WDR20: variants seen among roughly 807,000 people sequenced by gnomAD.
WDR20 encodes the protein WD repeat-containing protein 20.
WDR20 carries 3 observed loss-of-function variants against 38.7 expected under a neutral mutation model. The ratio of observed to expected loss-of-function variants is 0.08; its 90% CI spans 0.04 to 0.20. The LOEUF (loss-of-function observed/expected upper bound fraction) is 0.20, where lower values mean the gene tolerates loss of function less well. WDR20 is among the 10% of genes least tolerant of loss of function. WDR20 has a pLI of 1.00. For missense variants in WDR20, 559 were observed against 727.7 expected, an observed-to-expected ratio of 0.77 and a Z score of 2.67; for synonymous variants, 298 against 285.6, an observed-to-expected ratio of 1.04 and a Z score of -0.44.
downstream of WDR20, chr14:102,212,455 C>T (rs985406592): frequency 1.8e-5 from 28 of 1,518,734 alleles, no homozygotes; most frequent in Non-Finnish European, 4.4e-6. Context: ...CTGGCCCAGG[C>T]CCTGCAGGGC....
At chr14:102,186,816 G>T (rs1436354047) in intron 1 of WDR20, among the ~76,000 whole-genome samples, 1 of 151,980 alleles carries the variant, frequency 6.6e-6, no homozygotes, top group Non-Finnish European at 1.5e-5. Flanking sequence ...CCGGGGTGGT[G>T]GGGGGCGCCT....
rs914992024 is a variant in WDR20 at position 102,144,688 on chromosome 14, C to A, written c.249+4516C>A. Among the ~76,000 whole-genome samples, 11 of 150,462 alleles carry A rather than the reference C, an allele frequency of 7.3e-5. No individual in the cohort carries two copies. The South Asian group carries it at 1.5e-3, about 20-fold the overall frequency. Reference sequence around the variant, plus strand: ...ATGGTGTATCAGTTTTACCCTATTACATGTTTTTTTGTTTTGTTTTTTTTT... The same window carrying A: ...ATGGTGTATCAGTTTTACCCTATTAAATGTTTTTTTGTTTTGTTTTTTTTT... On this transcript the variant is annotated intron_variant, in intron 1 of 2. Coordinates refer to ENST00000342702, the MANE Select transcript of WDR20 (RefSeq NM_144574.4).
chr14:102,221,300 G>A lies in WDR20; in HGVS notation c.1693-1530G>A, dbSNP rs2063863981. On this transcript the variant is annotated intron_variant, in intron 3 of 3. Coordinates refer to the WDR20 transcript ENST00000335263. The surrounding 1 kb of genome is among the most constrained non-coding windows in gnomAD (Gnocchi z 4.8). ...CTTTTCTGTTGCCGGGGGGAAGGGAGGTGCCTCCTGGTTCTGGAGATTTGT... is the reference window on the plus strand; with the variant it reads ...CTTTTCTGTTGCCGGGGGGAAGGGAAGTGCCTCCTGGTTCTGGAGATTTGT... 6.6e-6 allele frequency among the ~76,000 whole-genome samples: 1 copy of A among 152,226 alleles called. No individual in the cohort carries two copies. Among genetic ancestry groups the A allele is most frequent in the Non-Finnish European group, 1.5e-5 (1 of 68,034 alleles).
chr14:102,168,141 A>G (rs1440274157), intron 1 of WDR20, among the ~76,000 whole-genome samples: 2 of 152,168 alleles, frequency 1.3e-5, no homozygotes, highest in African/African-American at 4.8e-5. Flanking sequence ...ATATCTTACC[A>G]TAGCACTGGT....
intron 1 of WDR20, chr14:102,193,349 C>A: frequency 9.2e-7 from 1 of 1,088,316 alleles, no homozygotes; most frequent in Non-Finnish European, 1.4e-6. Context: ...CGCTCCCCTC[C>A]ACTGGCCGCT....
downstream of WDR20, chr14:102,213,814 C>G: frequency 1.0e-6 from 1 of 985,398 alleles, no homozygotes; most frequent in Non-Finnish European, 1.2e-6. Context: ...TGAGCGAGCT[C>G]AAAGTGTGAG....
At chr14:102,223,534 A>T (rs1679355105) in exon 4 of WDR20, 1 of 152,548 alleles carries the variant, frequency 6.6e-6, no homozygotes, top group Admixed American at 6.5e-5. Context: ...TGTTGTTTCC[A>T]ATGCAATCAA....
At chr14:102,141,752 C>T (rs2051284958) in intron 1 of WDR20, among the ~76,000 whole-genome samples, 1 of 152,088 alleles carries the variant, frequency 6.6e-6, no homozygotes, top group South Asian at 2.1e-4. Flanking sequence ...AAATAAGAAG[C>T]TGCTGTCTTG....
In WDR20 at chr14:102,220,799, G is replaced by T. The variant is rs1292385505; in HGVS notation, c.1693-2031G>T. Among the ~76,000 whole-genome samples, 3 of 151,922 alleles carry T rather than the reference G, an allele frequency of 2.0e-5. No individual in the cohort carries two copies. Among genetic ancestry groups the T allele is most frequent in the Admixed American group, 2.0e-4 (3 of 15,268 alleles). On this transcript the variant is annotated intron_variant, in intron 3 of 3. Coordinates refer to the WDR20 transcript ENST00000335263. The surrounding 1 kb of genome is among the most constrained non-coding windows in gnomAD (Gnocchi z 4.2). ...CTATCTTTTCATTTTTTGAGACAGG[G>T]TCTTGCTCTATCCCCCAGGCTGGAG... is the stretch of plus-strand genomic sequence containing the variant.
chr14:102,140,276 C>T (rs2050407934), intron 1 of WDR20, 104 bp downstream of exon 1: 2 of 1,521,978 alleles, frequency 1.3e-6, no homozygotes, highest in Non-Finnish European at 8.8e-7. Context: ...GGCCGTCGCT[C>T]TTACTTTTGA....
intron 1 of WDR20, among the ~76,000 whole-genome samples, chr14:102,172,363 C>T (rs539648755): frequency 7.3e-5 from 11 of 150,856 alleles, no homozygotes; most frequent in African/African-American, 2.7e-4. Flanking sequence ...CACCTTTCCC[C>T]GCTTTCTATT....
rs1415856448 is a variant in WDR20, at chr14:102,208,936, G to A, written c.766G>A (p.Gly256Ser). ...CAACTTTGACTCAGTGGAGCTGCACGGTACGATGAAAAGCTACTTTGGGGG... is the reference window on the plus strand; with the variant it reads ...CAACTTTGACTCAGTGGAGCTGCACAGTACGATGAAAAGCTACTTTGGGGG... Reference protein sequence around the residue: ...VFNFDSVELHGTMKSYFGGLL... With the variant: ...VFNFDSVELHSTMKSYFGGLL... The change falls in exon 3 of 3, where the codon GGT becomes AGT. Residue 256 changes from glycine to serine, a missense_variant. Gly to Ser is a moderately conservative substitution (Grantham distance 56). Transcript: ENST00000342702. The surrounding 1 kb of genome is among the most constrained non-coding windows in gnomAD (Gnocchi z 5.6). 20 of 1,614,110 alleles carry A rather than the reference G, an allele frequency of 1.2e-5. No individual in the cohort carries two copies. The highest frequency in any genetic ancestry group is 4.5e-5 in the East Asian group (2 of 44,902).
At chr14:102,176,548 T>C (rs777970107) in intron 1 of WDR20, among the ~76,000 whole-genome samples, 15 of 152,070 alleles carry the variant, frequency 9.9e-5, no homozygotes, top group Non-Finnish European at 2.1e-4. Context: ...AACGCAAAAA[T>C]TCGTGCCCGG....
At chr14:102,210,935 G>A (rs943492200), downstream of WDR20, among the ~76,000 whole-genome samples, 3 of 152,138 alleles carry the variant, frequency 2.0e-5, 1 homozygote, top group South Asian at 6.2e-4. Context: ...CTGTGGTTCC[G>A]GGATTACTCT....
chr14:102,169,301 G>C (rs1238168724), intron 1 of WDR20, among the ~76,000 whole-genome samples: 7 of 152,172 alleles, frequency 4.6e-5, no homozygotes, highest in Non-Finnish European at 7.3e-5. Flanking sequence ...TGCCCAGAAA[G>C]GCACTGCCAT....
intron 2 of WDR20, among the ~76,000 whole-genome samples, chr14:102,202,782 C>T (rs1178042634): frequency 2.6e-5 from 4 of 152,034 alleles, no homozygotes; most frequent in Non-Finnish European, 5.9e-5. Context: ...CTCACTGTGT[C>T]ACCCAGGCTG....
At chr14:102,198,075 G>A (rs969191556) in intron 2 of WDR20, 2 of 386,060 alleles carry the variant, frequency 5.2e-6, no homozygotes, top group South Asian at 9.4e-5. Flanking sequence ...GCCCAAGAAA[G>A]GGAGAGAATC....
downstream of WDR20, chr14:102,224,801 A>G (rs1399813873): frequency 8.8e-6 from 4 of 455,982 alleles, no homozygotes; most frequent in Admixed American, 9.4e-5. Flanking sequence ...TCTTCTAGAA[A>G]GAGAAATAAT....
At chr14:102,143,898 C>T (rs898782723) in intron 1 of WDR20, among the ~76,000 whole-genome samples, 4 of 150,568 alleles carry the variant, frequency 2.7e-5, no homozygotes, top group South Asian at 2.2e-4. Flanking sequence ...AGATTGTGGT[C>T]GGGTGCAGTG....
Sources: allele counts gnomAD v4.1 joint callset (sites outside exome capture counted in the v4.1 genomes callset), GRCh38; gene constraint gnomAD v4.1.1; non-coding constraint Gnocchi (gnomAD v3.1); transcripts MANE v1.5; gene names NCBI Gene and HGNC (gene_info 2026-07-23, HGNC 2026-07-21).